THBS4: variants seen among roughly 807,000 people sequenced by gnomAD.
THBS4 encodes thrombospondin 4, also known as thrombospondin-4.
THBS4 carries 90 observed loss-of-function variants against 115.7 expected under a neutral mutation model. The ratio of observed to expected loss-of-function variants is 0.78; its 90% CI spans 0.66 to 0.93. The LOEUF (loss-of-function observed/expected upper bound fraction) is 0.93. Ranked by LOEUF, THBS4 falls within the 40% of genes least tolerant of loss-of-function variation. The probability of loss-of-function intolerance (pLI) is 0.00; values close to 1 mark genes in which losing one functional copy is unlikely to be tolerated. For synonymous variants in THBS4, 460 were observed against 479.3 expected, an observed-to-expected ratio of 0.96 and a Z score of 0.53; for missense variants, 1,087 against 1,232.7, an observed-to-expected ratio of 0.88 and a Z score of 1.77.
At chr5:80,078,255 C>T (rs1561329687) in intron 17 of THBS4, 28 bp downstream of exon 17, 1 of 1,538,178 alleles carries the variant, frequency 6.5e-7, no homozygotes. Context: ...GGCAATGGCT[C>T]AGCCTTGCCT....
chr5:80,074,189 G>A (rs1257674413), intron 15 of THBS4: 1 of 152,158 alleles, frequency 6.6e-6, no homozygotes, highest in Non-Finnish European at 1.5e-5. Context: ...CAAAATAGAA[G>A]GCTGTCAGTT....
At chr5:80,079,553 T>A (rs1315956766) in intron 19 of THBS4, among the ~76,000 whole-genome samples, 1 of 152,152 alleles carries the variant, frequency 6.6e-6, no homozygotes, top group Non-Finnish European at 1.5e-5. Context: ...CATCGATAGG[T>A]CCAACTTTGT....
chr5:80,058,169 T>C, intron 3 of THBS4, 37 bp from the exon 4 acceptor site: 1 of 1,506,224 alleles, frequency 6.6e-7, no homozygotes, highest in Non-Finnish European at 9.0e-7. Context: ...TTTTGAACAG[T>C]GTCAGCAATC....
chr5:80,079,384 GAGTCAGGGAAGA>G, intron 19 of THBS4, 126 bp downstream of exon 19: 1 of 1,060,852 alleles, frequency 9.4e-7, no homozygotes, highest in Non-Finnish European at 1.3e-6. Flanking sequence ...GCTAACGTTA[GAGTCAGGGAAGA>G]CTACAGTTGA....
chr5:79,991,340 G>T, exon 1 of THBS4: 1 of 1,110,902 alleles, frequency 9.0e-7, no homozygotes, highest in African/African-American at 1.6e-5. Flanking sequence ...GTAATTTGGG[G>T]GCTCTTGAGA....
chr5:80,036,144 T>C, intron 1 of THBS4: 1 of 985,576 alleles, frequency 1.0e-6, no homozygotes, highest in Non-Finnish European at 1.2e-6. Flanking sequence ...AGAAAGTTTA[T>C]TTCAAGGATT....
intron 2 of THBS4, among the ~76,000 whole-genome samples, chr5:80,043,011 G>A (rs1290502529): frequency 1.3e-5 from 2 of 152,032 alleles, no homozygotes; most frequent in Admixed American, 6.6e-5. Context: ...TGAAAGGGTT[G>A]AGATGAAGAA....
chr5:80,010,586 G>A (rs1459228902), intron 2 of THBS4, among the ~76,000 whole-genome samples: 1 of 152,208 alleles, frequency 6.6e-6, no homozygotes, highest in Non-Finnish European at 1.5e-5. Flanking sequence ...TTTTAAATTT[G>A]TGTTGCTGGG....
chr5:80,008,196 A>G (rs1007512430), intron 2 of THBS4, among the ~76,000 whole-genome samples: 1 of 152,238 alleles, frequency 6.6e-6, no homozygotes, highest in African/African-American at 2.4e-5. Context: ...TTAACATAGA[A>G]AAATAGTAAG....
rs1049061075 is a variant in THBS4 at position 80,058,165 on chromosome 5, A to G, written c.541-41A>G. On this transcript the variant is annotated intron_variant, in intron 3 of 21. Transcript: ENST00000350881. ...AGTAGGCAAGCACATTGGCTTTTGA[A>G]CAGTGTCAGCAATCTGTGGTATGAA... 6 of 1,495,890 alleles carry G rather than the reference A, an allele frequency of 4.0e-6. No individual in the cohort carries two copies. In the African/African-American group the frequency reaches 6.9e-5, roughly 17 times the overall value. The allele number at this position is 1,495,890 out of a possible 1,614,324, so 92.7% of individuals were successfully genotyped here. A position where few individuals can be genotyped will look rare whatever the true frequency, so the allele number is the denominator to read the frequency against.
At position 79,997,727 on chromosome 5, in the gene THBS4, C is replaced by T. The variant is rs764258488; in HGVS notation, n.82-605C>T. Among the ~76,000 whole-genome samples, 15 of 152,236 alleles carry T rather than the reference C, an allele frequency of 9.9e-5. No individual in the cohort carries two copies. In the South Asian group the frequency reaches 3.1e-3, roughly 32 times the overall value. On this transcript the variant is annotated intron_variant and non_coding_transcript_variant, in intron 1 of 3. Transcript: ENST00000510218. ...TATTTTTAAGAGCCTATATAACATT[C>T]ACCAAAGTAGGCTATTATGAGTCAT...
intron 2 of THBS4, among the ~76,000 whole-genome samples, chr5:80,050,045 G>A (rs530991806): frequency 6.6e-6 from 1 of 152,280 alleles, no homozygotes; most frequent in African/African-American, 2.4e-5. Flanking sequence ...TACTAACCCT[G>A]CACAATAACC....
At chr5:80,030,702 C>T (rs944052980), upstream of THBS4, among the ~76,000 whole-genome samples, 1 of 152,084 alleles carries the variant, frequency 6.6e-6, no homozygotes, top group African/African-American at 2.4e-5. Context: ...GAGATGAGGT[C>T]TCACTATGTT....
intron 16 of THBS4, 61 bp downstream of exon 16, chr5:80,077,109 G>A: frequency 7.0e-7 from 1 of 1,435,682 alleles, no homozygotes; most frequent in Non-Finnish European, 9.3e-7. Context: ...CAGGCACATG[G>A]GGGCACGCCT....
intron 7 of THBS4, among the ~76,000 whole-genome samples, 169 bp downstream of exon 7, chr5:80,060,074 T>G (rs1348298022): frequency 6.6e-6 from 1 of 152,214 alleles, no homozygotes; most frequent in African/African-American, 2.4e-5. Flanking sequence ...GAAGGAGACA[T>G]GACCCAAGGT....
In THBS4 at chr5:80,063,353, C is replaced by T. The variant is rs538251427; in HGVS notation, c.1125+1521C>T. On this transcript the variant is annotated intron_variant, in intron 8 of 21. Transcript: ENST00000350881. ...GTCTTGAGAAGTGTCTGTTCATATCCTTTGCCCACTTTTTGATGGGGTTGT... is the reference window on the plus strand; with the variant it reads ...GTCTTGAGAAGTGTCTGTTCATATCTTTTGCCCACTTTTTGATGGGGTTGT... Among the ~76,000 whole-genome samples the T allele has an allele frequency of 4.6e-5, 7 of 152,274 alleles. No homozygotes were observed. The East Asian group carries it at 1.3e-3, about 29-fold the overall frequency.
chr5:80,022,863 C>T (rs1425678790), intron 2 of THBS4, among the ~76,000 whole-genome samples: 2 of 152,142 alleles, frequency 1.3e-5, no homozygotes, highest in Non-Finnish European at 2.9e-5. Context: ...AAGCCAATGT[C>T]ATTCATGGTT....
chr5:80,061,461 T>C (rs1328058367), intron 7 of THBS4, among the ~76,000 whole-genome samples: 1 of 152,162 alleles, frequency 6.6e-6, no homozygotes, highest in Admixed American at 6.5e-5. Flanking sequence ...CAAGGACCCT[T>C]TCAACATGCA....
rs751092736 is a variant in THBS4, at chr5:80,076,950, G to GTGA, written c.2001_2003dup (p.Asp668dup). 4 of 1,613,774 alleles carry GTGA rather than the reference G, an allele frequency of 2.5e-6. No homozygotes were observed. The highest frequency in any genetic ancestry group is 1.6e-4 in the Middle Eastern group (1 of 6,082). On this transcript the variant is annotated inframe_insertion, in exon 16 of 22. Transcript: ENST00000350881. ...GATAAGGATGGAATTGGTGACGAGTGTGATGATGATGATGACAATGATGGT... is the reference window on the plus strand; with the variant it reads ...GATAAGGATGGAATTGGTGACGAGTGTGATGATGATGATGATGACAATGATGGT...
Sources: allele counts gnomAD v4.1 joint callset (sites outside exome capture counted in the v4.1 genomes callset), GRCh38; gene constraint gnomAD v4.1.1; transcripts MANE v1.5; gene names NCBI Gene and HGNC (gene_info 2026-07-23, HGNC 2026-07-21).